The following CSMD1 variants were observed in gnomAD, a reference collection of about 807,000 sequenced individuals.
CSMD1 encodes CUB and Sushi multiple domains 1.
In CSMD1, 213 loss-of-function variants were observed where a neutral mutation model predicts 417.5. The observed-to-expected ratio is 0.51, with a 90% confidence interval of 0.46 to 0.57. CSMD1 has a LOEUF of 0.57. Ranked by LOEUF, CSMD1 falls within the 20% of genes least tolerant of loss-of-function variation. The pLI, the probability that CSMD1 is intolerant of heterozygous loss-of-function variation, is 0.00. For missense variants in CSMD1, 6,923 were observed against 4,529.7 expected (o/e 1.53, Z -15.17); for synonymous variants, 2,862 against 1,736.8 (o/e 1.65, Z -16.11).
intron 10 of CSMD1, among the ~76,000 whole-genome samples, chr8:3,558,409 A>ATGCCTCAGTAGTACCC (rs1563152352): frequency 2.7e-5 from 4 of 146,018 alleles, no homozygotes; most frequent in Admixed American, 2.1e-4. Context: ...CCAATGATGA[A>ATGCCTCAGTAGTACCC]CGGTGCCTCA....
At chr8:4,463,545 T>C (rs1048109293) in intron 2 of CSMD1, among the ~76,000 whole-genome samples, 1 of 152,070 alleles carries the variant, frequency 6.6e-6, no homozygotes, top group East Asian at 1.9e-4. Context: ...ATGGTCTATA[T>C]CCATCATATT....
intron 11 of CSMD1, among the ~76,000 whole-genome samples, chr8:3,475,667 G>A (rs1380433060): frequency 6.6e-6 from 1 of 152,200 alleles, no homozygotes; most frequent in Non-Finnish European, 1.5e-5. Flanking sequence ...TGAAGATACT[G>A]CTGTCTCACA....
chr8:4,016,647 T>C (rs1190304306), intron 4 of CSMD1, among the ~76,000 whole-genome samples: 3 of 152,232 alleles, frequency 2.0e-5, no homozygotes, highest in Non-Finnish European at 4.4e-5. Context: ...CTTTGTCTTC[T>C]ACAGGTTTGT....
chr8:4,622,377 G>A (rs540287837), intron 2 of CSMD1, among the ~76,000 whole-genome samples: 1 of 152,214 alleles, frequency 6.6e-6, no homozygotes, highest in East Asian at 1.9e-4. Context: ...ACGAGTGCCA[G>A]CTAATGTCTG....
chr8:3,665,906 C>A (rs1438915223), intron 7 of CSMD1, among the ~76,000 whole-genome samples: 1 of 152,016 alleles, frequency 6.6e-6, no homozygotes, highest in African/African-American at 2.4e-5. Context: ...GAGATGGAGT[C>A]GCACTCTGTC....
At chr8:4,080,644 T>C (rs528386174) in intron 3 of CSMD1, among the ~76,000 whole-genome samples, 2 of 152,320 alleles carry the variant, frequency 1.3e-5, no homozygotes, top group African/African-American at 4.8e-5. Context: ...TCAGTTTTAT[T>C]AGCACGACAA....
chr8:3,264,094 T>C (rs1801269677), intron 26 of CSMD1, among the ~76,000 whole-genome samples: 1 of 152,200 alleles, frequency 6.6e-6, no homozygotes. Flanking sequence ...GATCCTTTTC[T>C]AAACATTTAT....
intron 2 of CSMD1, among the ~76,000 whole-genome samples, chr8:4,427,046 G>A (rs564838098): frequency 6.6e-6 from 1 of 151,928 alleles, no homozygotes; most frequent in Non-Finnish European, 1.5e-5. Context: ...GGTGTAGACG[G>A]AACAGCCCCA....
chr8:4,141,736 G>A (rs753845436), intron 3 of CSMD1, among the ~76,000 whole-genome samples: 7 of 150,946 alleles, frequency 4.6e-5, no homozygotes, highest in African/African-American at 1.5e-4. Flanking sequence ...AACTAAAAAC[G>A]GATACAGTGA....
intron 8 of CSMD1, among the ~76,000 whole-genome samples, chr8:3,590,059 T>C (rs1800781099): frequency 6.6e-6 from 1 of 152,026 alleles, no homozygotes; most frequent in African/African-American, 2.4e-5. Context: ...AACATCGCTT[T>C]ATAAAAGGCA....
chr8:3,496,304 A>G (rs1263546773), intron 10 of CSMD1, among the ~76,000 whole-genome samples: 1 of 152,046 alleles, frequency 6.6e-6, no homozygotes. Flanking sequence ...CTGTGTTGGC[A>G]GTTTTGGTTG....
intron 5 of CSMD1, among the ~76,000 whole-genome samples, chr8:3,955,270 A>T (rs544090008): frequency 8.3e-4 from 126 of 152,264 alleles, no homozygotes; most frequent in African/African-American, 2.7e-3. Context: ...ACCAACATGC[A>T]AAAGAGGCAT....
chr8:4,180,002 T>C (rs555195082), intron 3 of CSMD1, among the ~76,000 whole-genome samples: 2 of 152,182 alleles, frequency 1.3e-5, no homozygotes, highest in East Asian at 1.9e-4. Context: ...AATTCAACCA[T>C]TGTGGAAGTC....
intron 46 of CSMD1, 151 bp downstream of exon 46, chr8:3,106,377 G>C: frequency 2.0e-6 from 1 of 505,608 alleles, no homozygotes; most frequent in Non-Finnish European, 3.4e-6. Context: ...CCACCTGGGT[G>C]ACAGAGTAAG....
intron 5 of CSMD1, among the ~76,000 whole-genome samples, chr8:3,841,721 A>T (rs971419075): frequency 5.3e-5 from 8 of 152,176 alleles, no homozygotes; most frequent in African/African-American, 1.9e-4. Flanking sequence ...TATCAAAACT[A>T]CAATAGTTCC....
chr8:4,254,506 T>A (rs758785785), intron 3 of CSMD1, among the ~76,000 whole-genome samples: 1 of 152,140 alleles, frequency 6.6e-6, no homozygotes, highest in Admixed American at 6.5e-5. Flanking sequence ...TTTATACAAA[T>A]AAATTTCACG....
At position 4,492,172 on chromosome 8, in the gene CSMD1, C is replaced by G. The variant is rs573175549; in HGVS notation, c.303-72107G>C. ...AGCACAGGAGTGCGATCATAGTTCA[C>G]TACAGCCTCTGACTTCAAGGGATCT... On this transcript the variant is annotated intron_variant, in intron 2 of 69. Coordinates refer to ENST00000635120, the MANE Select transcript of CSMD1 (RefSeq NM_033225.6). Among the ~76,000 whole-genome samples, 8 of 152,320 alleles carry G rather than the reference C, an allele frequency of 5.3e-5. 1 individual carries two copies. In the South Asian group the frequency reaches 1.7e-3, roughly 32 times the overall value.
intron 17 of CSMD1, among the ~76,000 whole-genome samples, chr8:3,389,761 T>A (rs1342241435): frequency 4.6e-5 from 7 of 152,172 alleles, no homozygotes. Context: ...AATAAAAACA[T>A]CGAATTAAAA....
chr8:4,119,487 G>A (rs866261333), intron 3 of CSMD1, among the ~76,000 whole-genome samples: 9 of 152,148 alleles, frequency 5.9e-5, no homozygotes, highest in South Asian at 2.1e-4. Flanking sequence ...GGTTAAACTC[G>A]TAATCCTCAA....
Sources: allele counts gnomAD v4.1 joint callset (sites outside exome capture counted in the v4.1 genomes callset), GRCh38; gene constraint gnomAD v4.1.1; transcripts MANE v1.5; gene names NCBI Gene and HGNC (gene_info 2026-07-23, HGNC 2026-07-21).